The following SYNE2 variants were observed in gnomAD, a reference collection of about 807,000 sequenced individuals.
SYNE2 encodes the protein spectrin repeat containing nuclear envelope protein 2, also known as nesprin-2.
In SYNE2, 431 loss-of-function variants were observed where a neutral mutation model predicts 856.3. The ratio of observed to expected loss-of-function variants is 0.50; its 90% CI spans 0.47 to 0.55. The LOEUF (loss-of-function observed/expected upper bound fraction) is 0.55. Ranked by LOEUF, SYNE2 falls within the 20% of genes least tolerant of loss-of-function variation. The probability of loss-of-function intolerance (pLI) is 0.00; values close to 1 mark genes in which losing one functional copy is unlikely to be tolerated. For missense variants in SYNE2, 8,129 were observed against 8,023.2 expected, an observed-to-expected ratio of 1.01 and a Z score of -0.50; for synonymous variants, 2,923 against 2,872.3, an observed-to-expected ratio of 1.02 and a Z score of -0.56.
chr14:63,839,478 G>T (rs1218212347), intron 1 of SYNE2, among the ~76,000 whole-genome samples: 2 of 152,082 alleles, frequency 1.3e-5, no homozygotes, highest in Non-Finnish European at 2.9e-5. Context: ...CTCTAAAGTT[G>T]CAGTTCAGCT....
chr14:63,910,864 A>G (rs766694566), intron 2 of SYNE2, among the ~76,000 whole-genome samples: 2 of 152,312 alleles, frequency 1.3e-5, no homozygotes, highest in South Asian at 2.1e-4. Flanking sequence ...CCAAAATCTT[A>G]CTCTCAAAGT....
At chr14:64,203,079 T>C in intron 100 of SYNE2, 116 bp downstream of exon 100, 1 of 1,398,844 alleles carries the variant, frequency 7.1e-7, no homozygotes, top group South Asian at 1.2e-5. Context: ...AACATTGGTT[T>C]GCTTTTTCCA....
intron 1 of SYNE2, among the ~76,000 whole-genome samples, chr14:63,876,718 C>T (rs983769320): frequency 1.3e-5 from 2 of 152,110 alleles, no homozygotes; most frequent in Admixed American, 1.3e-4. Flanking sequence ...GATCTCCTGA[C>T]CTTGTGATCC....
In SYNE2 at chr14:63,964,506, A is replaced by ATTTTAT. The variant is rs567876488; in HGVS notation, c.990+535_990+540dup. On this transcript the variant is annotated intron_variant, in intron 10 of 115. Coordinates refer to ENST00000555002, the MANE Select transcript of SYNE2 (RefSeq NM_182914.3). ...TGGTTTAAAGCAGAACATGCTTTTT[A>ATTTTAT]TTTTATTTTTATTTTTATTTTTATT... is the stretch of plus-strand genomic sequence containing the variant. Among the ~76,000 whole-genome samples the ATTTTAT allele has an allele frequency of 3.2e-3, 482 of 152,070 alleles. 1 individual carries two copies. The highest frequency in any genetic ancestry group is 6.8e-3 in the Middle Eastern group (2 of 294).
chr14:64,056,473 CT>C (rs373743691), intron 49 of SYNE2, among the ~76,000 whole-genome samples: 1,602 of 142,758 alleles, frequency 0.011, 17 homozygotes, highest in South Asian at 0.026. Flanking sequence ...TGTATTTCTT[CT>C]TTTTTTTTTT....
At chr14:63,938,329 G>A (rs932713191) in intron 2 of SYNE2, among the ~76,000 whole-genome samples, 1 of 152,080 alleles carries the variant, frequency 6.6e-6, no homozygotes, top group Non-Finnish European at 1.5e-5. Context: ...GGCAGTACAC[G>A]CCTGTAGTCC....
At chr14:63,809,000 G>A (rs1888500212) in intron 1 of SYNE2, among the ~76,000 whole-genome samples, 1 of 152,154 alleles carries the variant, frequency 6.6e-6, no homozygotes, top group Non-Finnish European at 1.5e-5. Flanking sequence ...TCCAGCCTGG[G>A]TGACAACAGT....
intron 51 of SYNE2, among the ~76,000 whole-genome samples, chr14:64,066,032 C>A (rs1015176988): frequency 6.6e-6 from 1 of 152,038 alleles, no homozygotes; most frequent in Non-Finnish European, 1.5e-5. Context: ...CTATAATTTT[C>A]AACTATGGAA....
intron 1 of SYNE2, among the ~76,000 whole-genome samples, chr14:63,868,695 T>C (rs191851599): frequency 6.6e-6 from 1 of 152,092 alleles, no homozygotes; most frequent in Admixed American, 6.5e-5. Context: ...GAAAGTAATA[T>C]GGGGAAGGGC....
intron 1 of SYNE2, among the ~76,000 whole-genome samples, chr14:63,868,430 A>T (rs1245971499): frequency 1.3e-5 from 2 of 151,810 alleles, no homozygotes; most frequent in South Asian, 2.1e-4. Context: ...AGCCGAGATC[A>T]TGCCACTGCA....
At chr14:63,997,199 G>A (rs756245918) in intron 24 of SYNE2, 41 bp downstream of exon 24, 28 of 1,597,210 alleles carry the variant, frequency 1.8e-5, no homozygotes, top group Non-Finnish European at 2.1e-5. Flanking sequence ...AGGATAAAAC[G>A]AAGCCTTTTG....
chr14:63,779,810 C>T (rs2139732903), intron 1 of SYNE2, among the ~76,000 whole-genome samples: 1 of 152,206 alleles, frequency 6.6e-6, no homozygotes, highest in Non-Finnish European at 1.5e-5. Context: ...ACTCAGGAGG[C>T]TGAGGCAGGA....
intron 1 of SYNE2, among the ~76,000 whole-genome samples, chr14:63,775,430 AG>A (rs1887074317): frequency 6.7e-6 from 1 of 149,760 alleles, no homozygotes; most frequent in African/African-American, 2.5e-5. Context: ...TGCCTGCCAC[AG>A]TGCCCAGCTA....
chr14:64,011,120 A>G (rs1247616859), intron 32 of SYNE2, among the ~76,000 whole-genome samples: 3 of 129,946 alleles, frequency 2.3e-5, no homozygotes, highest in African/African-American at 8.0e-5. Context: ...AGAACTATTA[A>G]CCCTGAAGCT....
upstream of SYNE2, among the ~76,000 whole-genome samples, chr14:63,849,116 G>C (rs1890321588): frequency 6.6e-6 from 1 of 152,114 alleles, no homozygotes; most frequent in Non-Finnish European, 1.5e-5. Context: ...TCCAACTCTT[G>C]GAAAAACAGA....
At chr14:63,994,964 CAT>C in intron 22 of SYNE2, 78 bp from the exon 23 acceptor site, 1 of 923,570 alleles carries the variant, frequency 1.1e-6, no homozygotes, top group Non-Finnish European at 1.6e-6. Flanking sequence ...TGTCACTACA[CAT>C]ATATTTATTG....
chr14:64,165,674 G>A (rs535564118), intron 90 of SYNE2, among the ~76,000 whole-genome samples: 2 of 152,008 alleles, frequency 1.3e-5, no homozygotes, highest in Admixed American at 6.6e-5. Flanking sequence ...CACCATGTCC[G>A]GCTAATTTTT....
At position 63,861,212 on chromosome 14, in the gene SYNE2, T is replaced by G. The variant is rs183122414; in HGVS notation, c.-52+8069T>G. On this transcript the variant is annotated intron_variant, in intron 1 of 115. Transcript: ENST00000555002. ...CAGGCTGGAGTGCGGCGGCACAATCTCAGCTCACTGCAACCTTCGCCTCCT... is the reference window on the plus strand; with the variant it reads ...CAGGCTGGAGTGCGGCGGCACAATCGCAGCTCACTGCAACCTTCGCCTCCT... Among the ~76,000 whole-genome samples, 827 of 148,594 alleles carry G rather than the reference T, an allele frequency of 5.6e-3. 5 individuals are homozygous for G. The highest frequency in any genetic ancestry group is 0.019 in the African/African-American group (764 of 40,480).
intron 7 of SYNE2, among the ~76,000 whole-genome samples, chr14:63,950,662 C>CA (rs1365990451): frequency 1.3e-5 from 2 of 152,112 alleles, no homozygotes; most frequent in Admixed American, 1.3e-4. Context: ...AGAGACCAGA[C>CA]AGTATGCATT....
Sources: gnomAD v4.1 joint callset for allele counts (sites outside exome capture counted in the v4.1 genomes callset) on GRCh38, gnomAD v4.1.1 for gene constraint, MANE v1.5 for transcripts, NCBI Gene and HGNC (gene_info 2026-07-23, HGNC 2026-07-21) for gene names.